The following FRMPD4 variants were observed in gnomAD, a reference collection of about 807,000 sequenced individuals.
FRMPD4 encodes FERM and PDZ domain containing 4.
FRMPD4 carries 22 observed loss-of-function variants against 94.1 expected under a neutral mutation model. The observed-to-expected ratio is 0.23, with a 90% CI of 0.17 to 0.33. The LOEUF (loss-of-function observed/expected upper bound fraction) is 0.33, where lower values mean the gene tolerates loss of function less well. Among genes scored for constraint, FRMPD4 ranks in the 10% least tolerant of loss-of-function variants. The pLI, the probability that FRMPD4 is intolerant of heterozygous loss-of-function variation, is 1.00. For synonymous variants in FRMPD4, 631 were observed against 548.6 expected (o/e 1.15, Z -2.10); for missense variants, 1,111 against 1,339.9 (o/e 0.83, Z 2.67).
At chrX:11,897,846 A>T (rs2053912571) in intron 3 of FRMPD4, among the ~76,000 whole-genome samples, 1 of 112,108 alleles carries the variant, frequency 8.9e-6, no homozygotes, top group Non-Finnish European at 1.9e-5. Context: ...TATGTTAGAC[A>T]TAAGTGCCAT....
intron 3 of FRMPD4, among the ~76,000 whole-genome samples, chrX:11,895,814 A>G (rs1182988001): frequency 8.9e-6 from 1 of 111,832 alleles, no homozygotes; most frequent in African/African-American, 3.3e-5. Flanking sequence ...TACCTCACAT[A>G]AGTTGTTTTC....
At chrX:12,654,228 A>G in intron 4 of FRMPD4, among the ~76,000 whole-genome samples, 1 of 112,045 alleles carries the variant, frequency 8.9e-6, no homozygotes, top group East Asian at 2.8e-4. Flanking sequence ...TGCCCATACC[A>G]TGCTGGCTTC....
chrX:12,710,305 ACTC>A, intron 13 of FRMPD4, 91 bp from the exon 14 acceptor site: 1 of 729,179 alleles, frequency 1.4e-6, no homozygotes, highest in East Asian at 3.4e-5. Context: ...TTGTTCAATA[ACTC>A]CTTTTTCCAT....
intron 1 of FRMPD4, among the ~76,000 whole-genome samples, chrX:12,316,006 G>A (rs917376578): frequency 8.9e-6 from 1 of 111,946 alleles, no homozygotes; most frequent in Non-Finnish European, 1.9e-5. Flanking sequence ...TATGCTGATG[G>A]TGAGAAACCC....
intron 1 of FRMPD4, among the ~76,000 whole-genome samples, chrX:12,279,041 C>T (rs1046331268): frequency 1.8e-5 from 2 of 113,173 alleles, no homozygotes; most frequent in South Asian, 3.6e-4. Flanking sequence ...CATTCTTCCA[C>T]TCTGCCTATC....
At chrX:12,371,860 C>A (rs1215259395) in intron 1 of FRMPD4, among the ~76,000 whole-genome samples, 1 of 111,800 alleles carries the variant, frequency 8.9e-6, no homozygotes, top group African/African-American at 3.3e-5. Context: ...ATGGACCCTG[C>A]AATACTGGGG....
chrX:12,231,051 A>T (rs1227824346), intron 1 of FRMPD4, among the ~76,000 whole-genome samples: 1 of 26,635 alleles, frequency 3.8e-5, no homozygotes, highest in African/African-American at 1.3e-4. Flanking sequence ...TATATATAAA[A>T]TATATATATA....
intron 1 of FRMPD4, among the ~76,000 whole-genome samples, chrX:12,156,041 C>T: frequency 9.0e-6 from 1 of 111,700 alleles, no homozygotes. Context: ...GTTTAAGAGT[C>T]CCAGTGATTC....
chrX:12,555,086 T>C (rs1252622721), intron 2 of FRMPD4, among the ~76,000 whole-genome samples: 1 of 112,010 alleles, frequency 8.9e-6, no homozygotes, highest in East Asian at 2.8e-4. Flanking sequence ...CACCTTCTTC[T>C]TCCCTTTTCT....
At chrX:12,592,528 T>C (rs952469586) in intron 2 of FRMPD4, among the ~76,000 whole-genome samples, 55 of 112,175 alleles carry the variant, frequency 4.9e-4, no homozygotes, top group African/African-American at 1.7e-3. Flanking sequence ...CATTTCTTTC[T>C]TTTTCTTTCT....
At chrX:12,158,248 G>A (rs62591581) in intron 1 of FRMPD4, among the ~76,000 whole-genome samples, 3,573 of 111,279 alleles carry the variant, frequency 0.032, 74 homozygotes, top group Non-Finnish European at 0.049. Context: ...TGTAGGTAGA[G>A]GTTCCCAGTA....
At chrX:12,082,733 G>A (rs1023517326) in intron 3 of FRMPD4, among the ~76,000 whole-genome samples, 1 of 111,200 alleles carries the variant, frequency 9.0e-6, no homozygotes, top group Non-Finnish European at 1.9e-5. Context: ...AGGATGAGGT[G>A]GTCTCAGATG....
At chrX:12,503,357 T>C (rs1400183712) in intron 2 of FRMPD4, among the ~76,000 whole-genome samples, 1 of 111,649 alleles carries the variant, frequency 9.0e-6, no homozygotes, top group Non-Finnish European at 1.9e-5. Context: ...TGTATGAGGA[T>C]TGGACAAGAC....
chrX:12,330,360 A>G (rs762571797), intron 1 of FRMPD4, among the ~76,000 whole-genome samples: 2 of 111,452 alleles, frequency 1.8e-5, no homozygotes, highest in East Asian at 5.6e-4. Flanking sequence ...GTTAGCATCT[A>G]GTAGGTGAAA....
rs746009649 is a variant in FRMPD4, at chrX:12,526,210, G to T, written c.158+27414G>T. On this transcript the variant is annotated intron_variant, in intron 2 of 16. Coordinates refer to ENST00000675598, the MANE Select transcript of FRMPD4 (RefSeq NM_001368397.1). ...GCTCCCCTGGTGGGTTTGTTCCCTT[G>T]GTGTGACCAATTCATCAAAGTATAG... Among the ~76,000 whole-genome samples the T allele has an allele frequency of 1.1e-4, 12 of 111,903 alleles. No individual in the cohort carries two copies. The South Asian group carries it at 4.5e-3, about 42-fold the overall frequency.
Position 12,720,566 on chromosome X carries a change from G to C in FRMPD4, c.3997G>C (p.Gly1333Arg). ...AGAGCCTGGGAAGGAGAGACGAGGA[G>C]GCATGCCTTCAGCTTGGTCTCAACA... ...LTEPGKERRG[G>R]MPSAWSQHPE... Residue 1333 changes from glycine (G) to arginine (R), a missense_variant, in exon 17 of 17, where the codon GGC (glycine) becomes CGC (arginine). By Grantham distance (125) the Gly-to-Arg change is moderately radical (BLOSUM62 -2). Coordinates refer to ENST00000675598, the MANE Select transcript of FRMPD4 (RefSeq NM_001368397.1). 8.3e-7 allele frequency: 1 copy of C among 1,203,961 alleles called. No individual in the cohort carries two copies. Among genetic ancestry groups the C allele is most frequent in the Middle Eastern group, 2.3e-4 (1 of 4,287 alleles).
At chrX:12,058,116 G>A (rs755379252) in intron 3 of FRMPD4, among the ~76,000 whole-genome samples, 8 of 111,277 alleles carry the variant, frequency 7.2e-5, no homozygotes, top group African/African-American at 9.8e-5. Flanking sequence ...GTAGTGGCCC[G>A]GGACAAAGTC....
chrX:11,858,273 T>A (rs2053664376), intron 1 of FRMPD4, among the ~76,000 whole-genome samples: 1 of 111,788 alleles, frequency 8.9e-6, no homozygotes, highest in Non-Finnish European at 1.9e-5. Flanking sequence ...TGCAGCACTA[T>A]TCACAATAGC....
chrX:12,116,846 G>T (rs908035922), intron 3 of FRMPD4, among the ~76,000 whole-genome samples: 3 of 111,668 alleles, frequency 2.7e-5, no homozygotes, highest in Non-Finnish European at 3.8e-5. Flanking sequence ...AATAATTAAT[G>T]GGATGAATAA....
Sources: gnomAD v4.1 joint callset for allele counts (sites outside exome capture counted in the v4.1 genomes callset) on GRCh38, gnomAD v4.1.1 for gene constraint, MANE v1.5 for transcripts, NCBI Gene and HGNC (gene_info 2026-07-23, HGNC 2026-07-21) for gene names.